JAZF1: variants seen among roughly 807,000 people sequenced by gnomAD.
JAZF1 encodes JAZF zinc finger 1.
In JAZF1, 8 loss-of-function variants were observed where a neutral mutation model predicts 26.4. The observed-to-expected ratio is 0.30, with a 90% confidence interval of 0.18 to 0.55. The LOEUF (loss-of-function observed/expected upper bound fraction) is 0.55. Ranked by LOEUF, JAZF1 falls within the 20% of genes least tolerant of loss-of-function variation. The pLI is 0.94. For missense variants in JAZF1, 199 were observed against 322.0 expected (o/e 0.62, Z 2.92); for synonymous variants, 126 against 122.3 (o/e 1.03, Z -0.20).
chr7:27,932,679 G>A (rs1784703437), intron 2 of JAZF1, among the ~76,000 whole-genome samples: 1 of 152,116 alleles, frequency 6.6e-6, no homozygotes, highest in Non-Finnish European at 1.5e-5. Context: ...AACCGAGACT[G>A]AAGACAAAAA....
intron 1 of JAZF1, among the ~76,000 whole-genome samples, chr7:28,045,006 C>T (rs1053432635): frequency 2.0e-5 from 3 of 152,138 alleles, no homozygotes; most frequent in Non-Finnish European, 4.4e-5. Context: ...CAGGGGTCAC[C>T]ATCCTCTTAA....
intron 1 of JAZF1, among the ~76,000 whole-genome samples, chr7:28,137,813 G>GT (rs1782908332): frequency 6.6e-6 from 1 of 152,146 alleles, no homozygotes; most frequent in African/African-American, 2.4e-5. Flanking sequence ...GTGAACCAAC[G>GT]TGAGTGGTAC....
At chr7:28,152,394 T>C (rs913457745) in intron 1 of JAZF1, among the ~76,000 whole-genome samples, 1 of 152,208 alleles carries the variant, frequency 6.6e-6, no homozygotes, top group Admixed American at 6.5e-5. Context: ...TCTAATTCCC[T>C]GGCCAGGGTA....
rs949208255 is a variant in JAZF1 at position 27,830,729 on chromosome 7, T to C, written c.*2071A>G. The C allele has an allele frequency of 2.6e-5, 5 of 195,372 alleles. No homozygotes were observed. Among genetic ancestry groups the C allele is most frequent in the East Asian group, 8.0e-5 (1 of 12,460 alleles). The allele number at this position is 195,372 out of a possible 1,614,324, so 12.1% of individuals were successfully genotyped here. A position where few individuals can be genotyped will look rare whatever the true frequency, so the allele number is the denominator to read the frequency against. On this transcript the variant is annotated 3_prime_UTR_variant, in exon 5 of 5. Coordinates refer to ENST00000283928, the MANE Select transcript of JAZF1 (RefSeq NM_175061.4). ...TGTGCTCTGTCCCCAACAAAACATA[T>C]GAAAATATAATTTAAAGCACAGTTT...
intron 1 of JAZF1, chr7:28,020,697 A>T: frequency 2.1e-6 from 1 of 471,256 alleles, no homozygotes; most frequent in Non-Finnish European, 4.4e-6. Flanking sequence ...ACTGCTGATG[A>T]ATGTGACACT....
At chr7:28,142,360 C>T (rs1179888952) in intron 1 of JAZF1, among the ~76,000 whole-genome samples, 7 of 152,182 alleles carry the variant, frequency 4.6e-5, no homozygotes, top group Non-Finnish European at 1.0e-4. Flanking sequence ...ACTTCGAGAA[C>T]CATTTCTAAA....
At chr7:27,990,812 G>T (rs1191538146) in intron 2 of JAZF1, among the ~76,000 whole-genome samples, 1 of 152,272 alleles carries the variant, frequency 6.6e-6, no homozygotes, top group African/African-American at 2.4e-5. Context: ...TTCATTTGAT[G>T]TAATTTTGAA....
chr7:27,870,493 AC>A (rs1430029989), intron 3 of JAZF1, among the ~76,000 whole-genome samples: 1 of 152,154 alleles, frequency 6.6e-6, no homozygotes, highest in Admixed American at 6.5e-5. Flanking sequence ...AGATTTTAAA[AC>A]ACTCAAGCTT....
chr7:27,848,753 G>C (rs1783076648), intron 3 of JAZF1, among the ~76,000 whole-genome samples: 1 of 152,134 alleles, frequency 6.6e-6, no homozygotes, highest in African/African-American at 2.4e-5. Context: ...CCTGTTTTTT[G>C]ATTTGGCCTC....
chr7:28,156,127 C>T lies in JAZF1; in HGVS notation c.115+24336G>A, dbSNP rs114099486. Reference sequence around the variant, plus strand: ...GCAACAACATACTTAAACACCAAATCATCTAAATCATTTGGGTGGAACCAT... The same window carrying T: ...GCAACAACATACTTAAACACCAAATTATCTAAATCATTTGGGTGGAACCAT... On this transcript the variant is annotated intron_variant, in intron 1 of 4. Transcript: ENST00000283928. 5.2e-3 allele frequency among the ~76,000 whole-genome samples: 789 copies of T among 152,332 alleles called. 6 individuals are homozygous for T. The highest frequency in any genetic ancestry group is 0.018 in the African/African-American group (747 of 41,572).
At chr7:27,975,018 G>C (rs1785445174) in intron 2 of JAZF1, among the ~76,000 whole-genome samples, 1 of 151,964 alleles carries the variant, frequency 6.6e-6, no homozygotes, top group Non-Finnish European at 1.5e-5. Context: ...CTGAGTAGCT[G>C]GGACTACAGG....
intron 1 of JAZF1, among the ~76,000 whole-genome samples, chr7:28,169,944 G>A (rs749477563): frequency 2.0e-5 from 3 of 152,146 alleles, no homozygotes; most frequent in South Asian, 2.1e-4. Flanking sequence ...CTGCAGAAGC[G>A]ATTTAAGGTC....
rs572619188 is a variant in JAZF1, at chr7:28,165,040, G to A, written c.115+15423C>T. Among the ~76,000 whole-genome samples, 246 of 152,152 alleles carry A rather than the reference G, an allele frequency of 1.6e-3. 2 individuals carry two copies. Among genetic ancestry groups the A allele is most frequent in the African/African-American group, 5.2e-3 (217 of 41,502 alleles). On this transcript the variant is annotated intron_variant, in intron 1 of 4. Transcript: ENST00000283928. ...AAAAATCAGTCAGGTGTGGTGGTGC[G>A]CACCTGTAGTCCCAGATACTCAGGA...
At chr7:27,877,409 A>G (rs1239326760) in intron 3 of JAZF1, among the ~76,000 whole-genome samples, 1 of 152,182 alleles carries the variant, frequency 6.6e-6, no homozygotes, top group Admixed American at 6.5e-5. Context: ...ATGGGGTAAA[A>G]TGCTCCCCCA....
intron 2 of JAZF1, 106 bp from the exon 3 acceptor site, chr7:27,895,522 G>C (rs1784047693): frequency 1.4e-6 from 1 of 698,720 alleles, no homozygotes; most frequent in Non-Finnish European, 2.2e-6. Context: ...AAGGACCTTG[G>C]CCACAGGTCA....
chr7:28,028,852 G>T (rs1783135735), intron 1 of JAZF1, among the ~76,000 whole-genome samples: 1 of 151,982 alleles, frequency 6.6e-6, no homozygotes, highest in Non-Finnish European at 1.5e-5. Flanking sequence ...TCCCTGTAGT[G>T]GAGAGAAAAC....
chr7:27,903,338 C>T (rs532599272), intron 2 of JAZF1, among the ~76,000 whole-genome samples: 1 of 152,200 alleles, frequency 6.6e-6, no homozygotes, highest in Admixed American at 6.5e-5. Flanking sequence ...GGACTACAGG[C>T]GTTCACCACC....
chr7:27,992,492 A>G (rs974237887), intron 1 of JAZF1, among the ~76,000 whole-genome samples: 1 of 152,206 alleles, frequency 6.6e-6, no homozygotes, highest in African/African-American at 2.4e-5. Flanking sequence ...TGAGTTTATT[A>G]TAACTTTTCT....
At chr7:27,874,965 GA>G (rs34802262) in intron 3 of JAZF1, among the ~76,000 whole-genome samples, 36,643 of 152,080 alleles carry the variant, frequency 0.24, 4,989 homozygotes, top group African/African-American at 0.38. Context: ...CTATCCCTTG[GA>G]ATTTGACTTG....
Sources: gnomAD v4.1 joint callset for allele counts (sites outside exome capture counted in the v4.1 genomes callset) on GRCh38, gnomAD v4.1.1 for gene constraint, MANE v1.5 for transcripts, NCBI Gene and HGNC (gene_info 2026-07-23, HGNC 2026-07-21) for gene names.